FTCDNL1: variants seen among roughly 807,000 people sequenced by gnomAD.
FTCDNL1 encodes formiminotransferase cyclodeaminase N-terminal like.
A neutral mutation model predicts 5.9 loss-of-function variants in FTCDNL1; 11 were observed. The observed-to-expected ratio is 1.87, with a 90% confidence interval of 1.18 to 3.10. FTCDNL1 has a LOEUF of 3.10. Among genes scored for constraint, FTCDNL1 ranks in the 30% most tolerant of loss-of-function variants. The pLI is 0.00. For missense variants in FTCDNL1, 115 were observed against 65.5 expected (o/e 1.76, Z -2.61); for synonymous variants, 58 against 24.8 (o/e 2.34, Z -3.99).
chr2:199,749,499 T>C, the FTCDNL1 span, among the ~76,000 whole-genome samples: 1 of 151,788 alleles, frequency 6.6e-6, no homozygotes, highest in Non-Finnish European at 1.5e-5. Flanking sequence ...AGACTAGTCA[T>C]TTGTTAATTA....
the FTCDNL1 span, among the ~76,000 whole-genome samples, chr2:199,738,425 A>G: frequency 2.0e-4 from 30 of 152,222 alleles, no homozygotes; most frequent in Admixed American, 7.9e-4. Flanking sequence ...AGATTTTATT[A>G]TTATTGAGCA....
At chr2:199,730,593 AG>A in the FTCDNL1 span, among the ~76,000 whole-genome samples, 1 of 152,358 alleles carries the variant, frequency 6.6e-6, no homozygotes, top group East Asian at 1.9e-4. Flanking sequence ...GTGAAAAAAA[AG>A]CTCATCTTCA....
At chr2:199,831,859 T>C (rs1357117026) in intron 3 of FTCDNL1, among the ~76,000 whole-genome samples, 2 of 152,156 alleles carry the variant, frequency 1.3e-5, no homozygotes, top group Non-Finnish European at 2.9e-5. Flanking sequence ...ACTGTCTTGA[T>C]AGAAAAAACT....
chr2:199,844,434 G>A, intron 3 of FTCDNL1: 1 of 661,000 alleles, frequency 1.5e-6, no homozygotes, highest in African/African-American at 1.8e-5. Context: ...GGGTAAATCG[G>A]AATCAAGTCC....
the FTCDNL1 span, among the ~76,000 whole-genome samples, chr2:199,723,028 G>A: frequency 5.9e-5 from 9 of 151,764 alleles, no homozygotes; most frequent in African/African-American, 1.2e-4. Flanking sequence ...AATGTGTGTC[G>A]TGGTGGTTTG....
intron 3 of FTCDNL1, among the ~76,000 whole-genome samples, chr2:199,839,257 C>G: frequency 6.6e-6 from 1 of 151,870 alleles, no homozygotes; most frequent in South Asian, 2.1e-4. Flanking sequence ...ATTAATGATA[C>G]GTTCATGAAA....
chr2:199,803,191 CAAAA>C (rs71403491), intron 3 of FTCDNL1, among the ~76,000 whole-genome samples: 1 of 70,648 alleles, frequency 1.4e-5, no homozygotes, highest in Non-Finnish European at 2.6e-5. Context: ...AATACCGTCT[CAAAA>C]AAAAAAAAAA....
At chr2:199,750,572 AG>A in the FTCDNL1 span, among the ~76,000 whole-genome samples, 3 of 152,154 alleles carry the variant, frequency 2.0e-5, no homozygotes, top group Admixed American at 6.5e-5. Flanking sequence ...CTGAAGAGAA[AG>A]AAATATTGAT....
chr2:199,811,458 G>T lies in FTCDNL1; in HGVS notation c.*1247C>A, dbSNP rs1041871675. On this transcript the variant is annotated 3_prime_UTR_variant, in exon 5 of 5. Coordinates refer to ENST00000420128, the MANE Select transcript of FTCDNL1 (RefSeq NM_001363886.2). The stretch of plus-strand genomic sequence containing the variant: ...AGTTGGATCACACTCAGGTTTTGCT[G>T]AAGAGTATATAACACTGGGGGTTAC... 7.2e-5 allele frequency among the ~76,000 whole-genome samples: 11 copies of T among 152,184 alleles called. 1 individual carries two copies. Among genetic ancestry groups the T allele is most frequent in the Admixed American group, 7.2e-4 (11 of 15,270 alleles).
At chr2:199,754,059 T>A in the FTCDNL1 span, among the ~76,000 whole-genome samples, 1 of 152,220 alleles carries the variant, frequency 6.6e-6, no homozygotes. Flanking sequence ...CGGGCTATGA[T>A]AGAGCAGGGC....
the FTCDNL1 span, among the ~76,000 whole-genome samples, chr2:199,671,478 A>C: frequency 6.6e-6 from 1 of 151,520 alleles, no homozygotes; most frequent in African/African-American, 2.4e-5. Flanking sequence ...TTTGAAAGGA[A>C]AAAAAAAACC....
rs552443435 is a variant in FTCDNL1, at chr2:199,848,937, C to T, written c.26G>A (p.Arg9His). 4.8e-5 allele frequency: 34 copies of T among 702,002 alleles called. No homozygotes were observed. Among genetic ancestry groups the T allele is most frequent in the South Asian group, 3.8e-4 (26 of 67,592 alleles). 43.5% of individuals were successfully genotyped at this position (702,002 alleles called of 1,614,324 possible). A position where few individuals can be genotyped will look rare whatever the true frequency, so the allele number is the denominator to read the frequency against. Residue 9 changes from arginine to histidine, a missense_variant, in exon 2 of 5, where the codon CGT becomes CAT. By Grantham distance (29) the Arg-to-His change is conservative (BLOSUM62 0). Coordinates refer to ENST00000420128, the MANE Select transcript of FTCDNL1 (RefSeq NM_001363886.2). MSSSRVGL[R>H]LAACLLNVSE... The stretch of plus-strand genomic sequence containing the variant: ...AACGTTTAGTAAACAGGCAGCCAAA[C>T]GGAGCCCCACTCTGGAAGAAGACAT...
intron 3 of FTCDNL1, among the ~76,000 whole-genome samples, chr2:199,789,652 T>C (rs1464248372): frequency 6.6e-6 from 1 of 152,024 alleles, no homozygotes; most frequent in Non-Finnish European, 1.5e-5. Context: ...GAATTGAAAA[T>C]GAAGATACAA....
intron 3 of FTCDNL1, among the ~76,000 whole-genome samples, chr2:199,761,475 C>T (rs940503379): frequency 2.0e-5 from 3 of 152,174 alleles, no homozygotes; most frequent in African/African-American, 4.8e-5. Context: ...TTCCTGATCT[C>T]GATGTTTCTC....
intron 3 of FTCDNL1, among the ~76,000 whole-genome samples, chr2:199,829,953 A>C (rs1438267539): frequency 6.6e-6 from 1 of 152,126 alleles, no homozygotes; most frequent in African/African-American, 2.4e-5. Flanking sequence ...TTCAAATGAT[A>C]CTCAAAAAAG....
intron 3 of FTCDNL1, among the ~76,000 whole-genome samples, chr2:199,778,387 A>C (rs1417566223): frequency 6.6e-6 from 1 of 152,208 alleles, no homozygotes; most frequent in Non-Finnish European, 1.5e-5. Flanking sequence ...ACTCAGTGGG[A>C]TTACGCAGAA....
At chr2:199,700,580 T>C in the FTCDNL1 span, among the ~76,000 whole-genome samples, 1 of 152,086 alleles carries the variant, frequency 6.6e-6, no homozygotes, top group Non-Finnish European at 1.5e-5. Flanking sequence ...AGAGCCCAAA[T>C]AGACAAAGTG....
chr2:199,810,037 AT>A lies in FTCDNL1; in HGVS notation c.*2667del, dbSNP rs79410372. ...TTATCTACTCTAAACTATCCGAAGGATTTTTTTTTTCCTAAAAGAGCTCGAA... is the reference window on the plus strand; with the variant it reads ...TTATCTACTCTAAACTATCCGAAGGATTTTTTTTTCCTAAAAGAGCTCGAA... On this transcript the variant is annotated 3_prime_UTR_variant, in exon 5 of 5. Transcript: ENST00000420128. 2.9e-4 allele frequency among the ~76,000 whole-genome samples: 43 copies of A among 149,968 alleles called. 1 individual carries two copies. The highest frequency in any genetic ancestry group is 6.8e-4 in the African/African-American group (28 of 40,880).
rs1412023810 is a variant in FTCDNL1 at position 199,848,943 on chromosome 2, C to T, written c.20G>A (p.Gly7Glu). The T allele has an allele frequency of 4.3e-6, 3 of 702,086 alleles. No homozygotes were observed. Among genetic ancestry groups the T allele is most frequent in the Non-Finnish European group, 7.8e-6 (3 of 384,696 alleles). The allele number at this position is 702,086 out of a possible 1,614,324, so 43.5% of individuals were successfully genotyped here. MSSSRV[G>E]LRLAACLLNV... ...TAGTAAACAGGCAGCCAAACGGAGCCCCACTCTGGAAGAAGACATGATTTT... is the reference window on the plus strand; with the variant it reads ...TAGTAAACAGGCAGCCAAACGGAGCTCCACTCTGGAAGAAGACATGATTTT... The change falls in exon 2 of 5, where the codon GGG becomes GAG. Residue 7 changes from glycine to glutamate, a missense_variant. Transcript: ENST00000420128.
Sources: allele counts gnomAD v4.1 joint callset (sites outside exome capture counted in the v4.1 genomes callset), GRCh38; gene constraint gnomAD v4.1.1; transcripts MANE v1.5; gene names NCBI Gene and HGNC (gene_info 2026-07-23, HGNC 2026-07-21).